The following KDM4C variants were observed in gnomAD, a reference collection of about 807,000 sequenced individuals.
KDM4C encodes lysine-specific demethylase 4C.
In KDM4C, 81 loss-of-function variants were observed where a neutral mutation model predicts 129.3. That is an observed-to-expected ratio of 0.63 (90% CI 0.52 to 0.75). KDM4C has a LOEUF of 0.75. Among genes scored for constraint, KDM4C ranks in the 30% least tolerant of loss-of-function variants. The pLI is 0.00. For synonymous variants in KDM4C, 573 were observed against 456.1 expected, an observed-to-expected ratio of 1.26 and a Z score of -3.26; for missense variants, 1,457 against 1,304.0, an observed-to-expected ratio of 1.12 and a Z score of -1.81.
At chr9:7,157,240 A>C (rs181420383) in intron 19 of KDM4C, among the ~76,000 whole-genome samples, 28 of 152,336 alleles carry the variant, frequency 1.8e-4, no homozygotes, top group African/African-American at 6.0e-4. Context: ...TTATCAGCTT[A>C]AGGAGATTTT....
At chr9:6,906,129 A>G (rs1338656399) in intron 8 of KDM4C, among the ~76,000 whole-genome samples, 2 of 152,188 alleles carry the variant, frequency 1.3e-5, no homozygotes, top group Admixed American at 6.5e-5. Flanking sequence ...CAAAGGGCAC[A>G]TGTCAAGTTT....
intron 8 of KDM4C, among the ~76,000 whole-genome samples, chr9:6,949,890 A>G (rs994363045): frequency 2.0e-5 from 3 of 152,154 alleles, no homozygotes; most frequent in African/African-American, 7.2e-5. Flanking sequence ...TAATGAAGCC[A>G]AAGAATCAGA....
chr9:7,102,545 A>T (rs1343034549), intron 17 of KDM4C, among the ~76,000 whole-genome samples: 1 of 152,128 alleles, frequency 6.6e-6, no homozygotes, highest in Non-Finnish European at 1.5e-5. Context: ...CAGTTGGTAT[A>T]GATGGTAGGC....
At chr9:7,049,008 C>T (rs1829793383) in intron 16 of KDM4C, 84 bp from the exon 17 acceptor site, 1 of 848,486 alleles carries the variant, frequency 1.2e-6, no homozygotes, top group South Asian at 1.5e-5. Context: ...TGTGTATTTC[C>T]CATCTGTGAG....
intron 4 of KDM4C, chr9:6,835,033 G>C (rs1835623628): frequency 1.1e-6 from 1 of 943,350 alleles, no homozygotes; most frequent in Non-Finnish European, 1.8e-6. Context: ...GATCCTTACC[G>C]AGCGTGGCTA....
intron 5 of KDM4C, among the ~76,000 whole-genome samples, chr9:6,867,589 C>T (rs1426228863): frequency 6.6e-6 from 1 of 152,178 alleles, no homozygotes; most frequent in Non-Finnish European, 1.5e-5. Context: ...ATTTTAGAAT[C>T]TTCTCGAAAT....
chr9:6,853,942 C>T (rs898349817), intron 5 of KDM4C, among the ~76,000 whole-genome samples: 5 of 152,004 alleles, frequency 3.3e-5, no homozygotes, highest in Admixed American at 6.6e-5. Flanking sequence ...TAGGAGGGTC[C>T]AGGTATATAC....
intron 16 of KDM4C, among the ~76,000 whole-genome samples, chr9:7,047,200 C>A (rs1829528129): frequency 1.3e-5 from 2 of 152,048 alleles, no homozygotes; most frequent in African/African-American, 2.4e-5. Context: ...TAGCCCATAT[C>A]ATCCAGGTGC....
intron 1 of KDM4C, among the ~76,000 whole-genome samples, chr9:6,791,161 G>C (rs575871874): frequency 3.0e-4 from 45 of 152,302 alleles, no homozygotes; most frequent in African/African-American, 1.1e-3. Context: ...ACCCAGGCTG[G>C]AGTGCAGTGG....
At chr9:6,792,501 G>T (rs1487513896) in intron 1 of KDM4C, among the ~76,000 whole-genome samples, 1 of 151,828 alleles carries the variant, frequency 6.6e-6, no homozygotes, top group Non-Finnish European at 1.5e-5. Flanking sequence ...CAATTTTGCT[G>T]CCTCAGCCTC....
chr9:7,013,534 A>G (rs1029959978), intron 13 of KDM4C, among the ~76,000 whole-genome samples: 4 of 152,236 alleles, frequency 2.6e-5, no homozygotes, highest in Non-Finnish European at 5.9e-5. Context: ...GGAAAGACAC[A>G]GTTTTAGTAG....
intron 14 of KDM4C, among the ~76,000 whole-genome samples, chr9:7,014,867 T>C (rs12380879): frequency 0.56 from 84,278 of 151,284 alleles, 23,941 homozygotes; most frequent in Non-Finnish European, 0.61. Flanking sequence ...TGCTATCTGC[T>C]TGAAATATAA....
chr9:6,995,295 T>A (rs1220510497), intron 12 of KDM4C, among the ~76,000 whole-genome samples: 1 of 152,140 alleles, frequency 6.6e-6, no homozygotes, highest in Admixed American at 6.5e-5. Context: ...AACCATTCTT[T>A]GAAACATAAA....
chr9:6,828,799 A>T (rs1834319259), intron 4 of KDM4C, among the ~76,000 whole-genome samples: 1 of 152,058 alleles, frequency 6.6e-6, no homozygotes, highest in Non-Finnish European at 1.5e-5. Context: ...TGAACCTGGG[A>T]GGTAGAGGTT....
intron 12 of KDM4C, among the ~76,000 whole-genome samples, chr9:7,008,917 A>G (rs1822180801): frequency 1.3e-5 from 2 of 152,338 alleles, no homozygotes; most frequent in South Asian, 4.1e-4. Flanking sequence ...GCCAGTCTAC[A>G]AAGGTTGGAA....
chr9:6,790,054 C>T (rs1350528567), intron 1 of KDM4C, among the ~76,000 whole-genome samples: 1 of 146,688 alleles, frequency 6.8e-6, no homozygotes, highest in Non-Finnish European at 1.5e-5. Flanking sequence ...CGGGTGGGAT[C>T]GCCTGAGGTC....
intron 4 of KDM4C, among the ~76,000 whole-genome samples, chr9:6,829,153 A>G (rs550201613): frequency 2.0e-5 from 3 of 152,368 alleles, no homozygotes; most frequent in South Asian, 4.1e-4. Flanking sequence ...AACACACACT[A>G]TACAGGCAGA....
intron 1 of KDM4C, among the ~76,000 whole-genome samples, chr9:6,747,149 C>G (rs1197644174): frequency 6.6e-6 from 1 of 151,660 alleles, no homozygotes; most frequent in Non-Finnish European, 1.5e-5. Context: ...GCCAAGATCA[C>G]TCCACTGCAC....
intron 1 of KDM4C, among the ~76,000 whole-genome samples, chr9:6,783,965 C>T (rs1824919575): frequency 6.6e-6 from 1 of 151,906 alleles, no homozygotes; most frequent in Non-Finnish European, 1.5e-5. Flanking sequence ...TAGGAGGGGA[C>T]ATGACATACA....
Sources: gnomAD v4.1 joint callset for allele counts (sites outside exome capture counted in the v4.1 genomes callset) on GRCh38, gnomAD v4.1.1 for gene constraint, MANE v1.5 for transcripts, NCBI Gene and HGNC (gene_info 2026-07-23, HGNC 2026-07-21) for gene names.